The following GSE1 variants were observed in gnomAD, a reference collection of about 807,000 sequenced individuals.
GSE1 encodes genetic suppressor element 1.
In GSE1, 32 loss-of-function variants were observed where a neutral mutation model predicts 112.6. The ratio of observed to expected loss-of-function variants is 0.28; its 90% CI spans 0.21 to 0.38. The LOEUF is 0.38. Ranked by LOEUF, GSE1 falls within the 10% of genes least tolerant of loss-of-function variation. The pLI is 1.00. For missense variants in GSE1, 2,348 were observed against 1,699.2 expected, an observed-to-expected ratio of 1.38 and a Z score of -6.71; for synonymous variants, 1,115 against 735.6, an observed-to-expected ratio of 1.52 and a Z score of -8.35.
At chr16:85,346,872 T>C (rs912570490) in intron 1 of GSE1, among the ~76,000 whole-genome samples, 1 of 151,504 alleles carries the variant, frequency 6.6e-6, no homozygotes, top group Non-Finnish European at 1.5e-5. Context: ...GACAGGTAGA[T>C]GGATGGTGGA....
At chr16:85,558,689 C>T (rs1387865711) in intron 1 of GSE1, among the ~76,000 whole-genome samples, 3 of 152,150 alleles carry the variant, frequency 2.0e-5, no homozygotes, top group African/African-American at 4.8e-5. Context: ...AGGCTTTCCC[C>T]GCATTATAGT....
intron 1 of GSE1, among the ~76,000 whole-genome samples, chr16:85,278,048 G>A (rs1168984344): frequency 1.3e-5 from 2 of 152,252 alleles, no homozygotes; most frequent in African/African-American, 4.8e-5. Context: ...CAACCGTATC[G>A]TCCATTTGAA....
At chr16:85,298,712 C>T (rs1322675132) in intron 1 of GSE1, among the ~76,000 whole-genome samples, 2 of 152,242 alleles carry the variant, frequency 1.3e-5, no homozygotes, top group Non-Finnish European at 2.9e-5. Context: ...CAGGCGTGAG[C>T]CACTGCACCT....
intron 1 of GSE1, among the ~76,000 whole-genome samples, chr16:85,183,001 C>T (rs888520351): frequency 2.9e-4 from 44 of 152,190 alleles, no homozygotes; most frequent in African/African-American, 9.9e-4. Context: ...TGCATACTCA[C>T]TGTTACACAT....
intron 8 of GSE1, 82 bp downstream of exon 8, chr16:85,657,686 C>G: frequency 1.1e-6 from 1 of 944,508 alleles, no homozygotes; most frequent in Non-Finnish European, 1.5e-6. Context: ...TCCTGTTTGC[C>G]CAACATCCTG....
chr16:85,399,491 G>A (rs1450648757), intron 2 of GSE1, among the ~76,000 whole-genome samples: 1 of 152,236 alleles, frequency 6.6e-6, no homozygotes, highest in African/African-American at 2.4e-5. Context: ...TGCTGATGCG[G>A]TTGTACCTTG....
Position 85,666,195 on chromosome 16 carries a change from G to T in GSE1, c.2978G>T (p.Arg993Leu). 1 of 1,613,556 alleles carries T rather than the reference G, an allele frequency of 6.2e-7. No homozygotes were observed. Among genetic ancestry groups the T allele is most frequent in the Non-Finnish European group, 8.5e-7 (1 of 1,180,028 alleles). ...KKSLSMLHYI[R>L]GAAPKDIPVP... ...AGTCTGAGCATGCTTCACTATATCC[G>T]GGGCGCTGCACCCAAGGACATTCCT... The change falls in exon 13 of 16, where the codon CGG (arginine) becomes CTG (leucine). Residue 993 changes from arginine (R) to leucine (L), a missense_variant. By Grantham distance (102) the Arg-to-Leu change is moderately radical. Transcript: ENST00000253458.
At chr16:85,214,223 C>T (rs1295908321) in intron 1 of GSE1, among the ~76,000 whole-genome samples, 2 of 152,106 alleles carry the variant, frequency 1.3e-5, no homozygotes, top group East Asian at 3.9e-4. Context: ...CTCGGGGAAG[C>T]CGACTATGCT....
chr16:85,613,048 C>T (rs1274450877), upstream of GSE1: 2 of 393,918 alleles, frequency 5.1e-6, no homozygotes, highest in Non-Finnish European at 8.6e-6. Flanking sequence ...CCTGGCCGGC[C>T]GGGCCGGGGA....
chr16:85,345,102 C>T (rs1034955260), intron 1 of GSE1, among the ~76,000 whole-genome samples: 1 of 150,902 alleles, frequency 6.6e-6, no homozygotes, highest in African/African-American at 2.4e-5. Context: ...AACCCCAGGC[C>T]TCCTCTCTGC....
At position 85,654,868 on chromosome 16, in the gene GSE1, A is replaced by C; in HGVS notation, c.674A>C (p.Tyr225Ser). ...TEDYLRSFRP[Y>S]HTTDDLRMSS... The stretch of plus-strand genomic sequence containing the variant: ...GACTACCTGAGAAGCTTCCGGCCCT[A>C]CCACACCACCGACGACCTCCGCATG... Residue 225 changes from tyrosine (Y) to serine (S), a missense_variant, in exon 5 of 16, where the codon TAC (tyrosine) becomes TCC (serine). Physicochemically the swap from Tyr to Ser is moderately radical, Grantham distance 144. Transcript: ENST00000253458. 6.2e-7 allele frequency: 1 copy of C among 1,611,326 alleles called. No individual in the cohort carries two copies.
intron 2 of GSE1, among the ~76,000 whole-genome samples, chr16:85,382,783 A>G (rs1432780773): frequency 1.3e-5 from 2 of 150,524 alleles, no homozygotes; most frequent in Middle Eastern, 3.4e-3. Context: ...CCATGCATGC[A>G]CACACACAAC....
intron 1 of GSE1, among the ~76,000 whole-genome samples, chr16:85,323,753 G>T (rs1017842399): frequency 1.3e-5 from 2 of 152,216 alleles, no homozygotes; most frequent in Non-Finnish European, 2.9e-5. Flanking sequence ...TGGGGCCCCA[G>T]GCTGACTTCC....
intron 1 of GSE1, among the ~76,000 whole-genome samples, chr16:85,241,926 G>C (rs1905201844): frequency 6.6e-6 from 1 of 151,992 alleles, no homozygotes; most frequent in Admixed American, 6.5e-5. Context: ...GTGGCTGCCG[G>C]GAGGGGAGGG....
intron 2 of GSE1, among the ~76,000 whole-genome samples, chr16:85,451,098 A>T (rs2049666930): frequency 7.9e-6 from 1 of 125,934 alleles, no homozygotes; most frequent in South Asian, 2.6e-4. Flanking sequence ...AAAAAAAAAA[A>T]GCCAGGTTTA....
intron 1 of GSE1, among the ~76,000 whole-genome samples, chr16:85,335,994 G>T (rs2046474580): frequency 6.6e-6 from 1 of 152,204 alleles, no homozygotes. Context: ...GCCAGGGCAG[G>T]ACCGCATACT....
chr16:85,656,072 C>T (rs1023062018), intron 6 of GSE1, among the ~76,000 whole-genome samples, 155 bp downstream of exon 6: 2 of 152,180 alleles, frequency 1.3e-5, no homozygotes, highest in African/African-American at 2.4e-5. Context: ...CGTTCAGGCT[C>T]TGCTCTGAAA....
intron 1 of GSE1, among the ~76,000 whole-genome samples, chr16:85,568,643 G>A (rs1165532155): frequency 5.3e-5 from 8 of 151,744 alleles, no homozygotes; most frequent in Admixed American, 6.6e-5. Flanking sequence ...ACCCAGATAC[G>A]GGCTTATTAC....
At chr16:85,527,641 C>T (rs550494490) in intron 2 of GSE1, among the ~76,000 whole-genome samples, 2 of 152,376 alleles carry the variant, frequency 1.3e-5, no homozygotes, top group South Asian at 2.1e-4. Flanking sequence ...CAGCCTACCC[C>T]GGTGGGAAGC....
Sources: gnomAD v4.1 joint callset for allele counts (sites outside exome capture counted in the v4.1 genomes callset) on GRCh38, gnomAD v4.1.1 for gene constraint, MANE v1.5 for transcripts, NCBI Gene and HGNC (gene_info 2026-07-23, HGNC 2026-07-21) for gene names.